The following MTUS2 variants were observed in gnomAD, a reference collection of about 807,000 sequenced individuals.
MTUS2 encodes microtubule associated scaffold protein 2, also known as microtubule-associated tumor suppressor candidate 2.
MTUS2 carries 40 observed loss-of-function variants against 114.1 expected under a neutral mutation model. That is an observed-to-expected ratio of 0.35 (90% confidence interval 0.27 to 0.46). The LOEUF is 0.46. MTUS2 is among the 20% of genes least tolerant of loss of function. MTUS2 has a pLI of 1.00. For missense variants in MTUS2, 1,679 were observed against 1,705.4 expected (o/e 0.98, Z 0.27); for synonymous variants, 688 against 672.0 (o/e 1.02, Z -0.37).
intron 4 of MTUS2, among the ~76,000 whole-genome samples, chr13:29,076,919 T>C (rs1480553073): frequency 3.3e-5 from 5 of 152,224 alleles, no homozygotes; most frequent in Admixed American, 3.3e-4. Context: ...GCAATAGCAA[T>C]GCCTATCATT....
At chr13:29,205,707 A>G (rs1213417269) in intron 5 of MTUS2, among the ~76,000 whole-genome samples, 19 of 152,286 alleles carry the variant, frequency 1.2e-4, no homozygotes, top group East Asian at 5.8e-4. Context: ...ATGGTCTCCA[A>G]CTTCACCTAG....
rs370911804 is a variant in MTUS2 at position 29,141,861 on chromosome 13, AT to A, written c.2644+40907del. Among the ~76,000 whole-genome samples, 414 of 142,284 alleles carry A rather than the reference AT, an allele frequency of 2.9e-3. 2 individuals are homozygous for A. Among genetic ancestry groups the A allele is most frequent in the African/African-American group, 4.5e-3 (176 of 38,882 alleles). 93.3% of individuals were successfully genotyped at this position (142,284 alleles called of 152,430 possible). Reference sequence around the variant, plus strand: ...AGCTTGAAGTCTAAATGGGGATCTAATTTTTTTTTTTTTTTTGAGATGGACT... The same window carrying A: ...AGCTTGAAGTCTAAATGGGGATCTAATTTTTTTTTTTTTTTGAGATGGACT... On this transcript the variant is annotated intron_variant, in intron 5 of 15. Coordinates refer to ENST00000612955, the MANE Select transcript of MTUS2 (RefSeq NM_001033602.4).
At chr13:29,255,394 A>C (rs1897257797) in intron 5 of MTUS2, among the ~76,000 whole-genome samples, 2 of 152,132 alleles carry the variant, frequency 1.3e-5, no homozygotes. Flanking sequence ...TCCAAAATTG[A>C]CATTTTGACT....
intron 2 of MTUS2, among the ~76,000 whole-genome samples, chr13:28,936,262 G>T (rs2138110944): frequency 6.6e-6 from 1 of 152,178 alleles, no homozygotes; most frequent in African/African-American, 2.4e-5. Context: ...CCCTACCCCT[G>T]CACCCTAAGC....
chr13:29,201,471 T>A (rs1302393721), intron 5 of MTUS2, among the ~76,000 whole-genome samples: 1 of 152,164 alleles, frequency 6.6e-6, no homozygotes, highest in Non-Finnish European at 1.5e-5. Context: ...AATTTATCAG[T>A]CTGTGTCTTT....
chr13:28,833,560 C>T (rs1240904477), intron 1 of MTUS2, among the ~76,000 whole-genome samples: 1 of 152,096 alleles, frequency 6.6e-6, no homozygotes, highest in Non-Finnish European at 1.5e-5. Flanking sequence ...AAGGAAACTT[C>T]CTCAACCTAA....
intron 5 of MTUS2, among the ~76,000 whole-genome samples, chr13:29,130,543 C>T (rs1891715317): frequency 6.6e-6 from 1 of 152,162 alleles, no homozygotes; most frequent in African/African-American, 2.4e-5. Flanking sequence ...CACACTCAGC[C>T]CTCTTCTATT....
chr13:29,473,457 G>A (rs1484381774), intron 9 of MTUS2, among the ~76,000 whole-genome samples: 1 of 152,154 alleles, frequency 6.6e-6, no homozygotes, highest in Non-Finnish European at 1.5e-5. Context: ...TTGAAATTAA[G>A]CTTGTCTTAT....
intron 5 of MTUS2, among the ~76,000 whole-genome samples, chr13:29,249,022 C>T (rs1451147723): frequency 2.0e-5 from 3 of 152,180 alleles, no homozygotes; most frequent in African/African-American, 7.2e-5. Context: ...GAGTCTCGCT[C>T]TGTCACCCAG....
At chr13:29,488,299 G>A (rs1881786120) in intron 11 of MTUS2, among the ~76,000 whole-genome samples, 2 of 152,096 alleles carry the variant, frequency 1.3e-5, no homozygotes, top group African/African-American at 2.4e-5. Flanking sequence ...CCCACCCCAG[G>A]GATTCTGATG....
At chr13:28,959,137 G>T (rs1406047776) in intron 2 of MTUS2, among the ~76,000 whole-genome samples, 2 of 152,158 alleles carry the variant, frequency 1.3e-5, no homozygotes, top group Non-Finnish European at 2.9e-5. Context: ...AGAGGAAAAA[G>T]CCCCAACAAC....
At chr13:29,254,069 A>T (rs1362536240) in intron 5 of MTUS2, among the ~76,000 whole-genome samples, 1 of 152,192 alleles carries the variant, frequency 6.6e-6, no homozygotes, top group African/African-American at 2.4e-5. Context: ...TGAAGATGAC[A>T]TAGTGTGTTA....
intron 4 of MTUS2, among the ~76,000 whole-genome samples, chr13:29,060,831 T>C (rs1186655340): frequency 6.9e-6 from 1 of 144,628 alleles, no homozygotes; most frequent in African/African-American, 2.5e-5. Flanking sequence ...GCCAAAGTCT[T>C]GCTGTGTTGC....
chr13:28,835,658 T>G (rs1388395788), intron 1 of MTUS2, among the ~76,000 whole-genome samples: 3 of 152,226 alleles, frequency 2.0e-5, no homozygotes, highest in African/African-American at 4.8e-5. Flanking sequence ...GTATCTGGGC[T>G]ACATATCAGT....
chr13:28,905,209 A>G (rs1157868530), intron 2 of MTUS2, among the ~76,000 whole-genome samples: 1 of 151,604 alleles, frequency 6.6e-6, no homozygotes, highest in Non-Finnish European at 1.5e-5. Context: ...AACAGAGACA[A>G]TTTGACTTCC....
intron 5 of MTUS2, among the ~76,000 whole-genome samples, chr13:29,190,727 A>T (rs1312889108): frequency 6.6e-6 from 1 of 152,200 alleles, no homozygotes; most frequent in African/African-American, 2.4e-5. Flanking sequence ...AGAGCATTGC[A>T]TATATATAAC....
intron 4 of MTUS2, among the ~76,000 whole-genome samples, chr13:29,039,600 T>TAAA (rs1887258021): frequency 6.6e-6 from 1 of 152,216 alleles, no homozygotes; most frequent in Admixed American, 6.5e-5. Context: ...TCTACTTTTG[T>TAAA]GCCTGACCTT....
At chr13:28,979,697 G>C (rs1374360346) in intron 2 of MTUS2, among the ~76,000 whole-genome samples, 1 of 152,134 alleles carries the variant, frequency 6.6e-6, no homozygotes, top group African/African-American at 2.4e-5. Flanking sequence ...GTTCAAAATG[G>C]AAAGGGAATC....
chr13:28,837,736 C>T lies in MTUS2; in HGVS notation c.-315-2042C>T, dbSNP rs572068721. Among the ~76,000 whole-genome samples, 293 of 152,298 alleles carry T rather than the reference C, an allele frequency of 1.9e-3. 1 individual carries two copies. The highest frequency in any genetic ancestry group is 6.8e-3 in the African/African-American group (281 of 41,542). On this transcript the variant is annotated intron_variant, in intron 1 of 15. Coordinates refer to ENST00000612955, the MANE Select transcript of MTUS2 (RefSeq NM_001033602.4). ...TTGCAGCTCTTTATCTATGACCATA[C>T]CCATTATAATAATAATGACAATTTT... is the stretch of plus-strand genomic sequence containing the variant.
Sources: gnomAD v4.1 joint callset for allele counts (sites outside exome capture counted in the v4.1 genomes callset) on GRCh38, gnomAD v4.1.1 for gene constraint, MANE v1.5 for transcripts, NCBI Gene and HGNC (gene_info 2026-07-23, HGNC 2026-07-21) for gene names.